Variants in NLGN1 observed in about 807,000 individuals in gnomAD.
NLGN1 encodes the protein neuroligin 1, also known as neuroligin-1.
Under a neutral mutation model 65.5 loss-of-function variants are expected in NLGN1, and 12 were observed. That is an observed-to-expected ratio of 0.18 (90% CI 0.12 to 0.30). The LOEUF (loss-of-function observed/expected upper bound fraction) is 0.30, where lower values mean the gene tolerates loss of function less well. Among genes scored for constraint, NLGN1 ranks in the 10% least tolerant of loss-of-function variants. The pLI, the probability that NLGN1 is intolerant of heterozygous loss-of-function variation, is 1.00. For missense variants in NLGN1, 750 were observed against 1,007.1 expected (o/e 0.74, Z 3.46); for synonymous variants, 350 against 359.5 (o/e 0.97, Z 0.30).
intron 3 of NLGN1, among the ~76,000 whole-genome samples, chr3:173,723,011 T>G (rs1771116244): frequency 6.6e-6 from 1 of 152,106 alleles, no homozygotes; most frequent in Non-Finnish European, 1.5e-5. Context: ...GAGACCTGAA[T>G]GAGGTAAGTG....
chr3:174,200,661 A>G (rs535207054), intron 4 of NLGN1, among the ~76,000 whole-genome samples: 1 of 152,368 alleles, frequency 6.6e-6, no homozygotes, highest in East Asian at 1.9e-4. Flanking sequence ...AATTTCAACT[A>G]ATAAACATCA....
chr3:173,497,395 A>C (rs1318531828), intron 2 of NLGN1, among the ~76,000 whole-genome samples: 1 of 37,994 alleles, frequency 2.6e-5, no homozygotes, highest in African/African-American at 3.8e-5. Flanking sequence ...TCTCAAAATA[A>C]ATAAATAAAT....
chr3:173,553,880 A>G (rs2149272359), intron 2 of NLGN1, among the ~76,000 whole-genome samples: 1 of 152,314 alleles, frequency 6.6e-6, no homozygotes, highest in African/African-American at 2.4e-5. Context: ...TATGCAGGGC[A>G]CTGATTTTTG....
intron 4 of NLGN1, among the ~76,000 whole-genome samples, chr3:174,199,399 T>C (rs1157754287): frequency 1.3e-5 from 2 of 151,734 alleles, no homozygotes; most frequent in Non-Finnish European, 2.9e-5. Flanking sequence ...GTAATAGTAG[T>C]AAGAGTGAGA....
intron 2 of NLGN1, among the ~76,000 whole-genome samples, chr3:173,508,556 G>C (rs142520970): frequency 1.3e-4 from 20 of 152,092 alleles, no homozygotes; most frequent in Admixed American, 6.6e-4. Flanking sequence ...AAATGGGTTG[G>C]GGTAGAGGTA....
At chr3:173,930,675 A>T (rs143992447) in intron 4 of NLGN1, among the ~76,000 whole-genome samples, 2,221 of 152,326 alleles carry the variant, frequency 0.015, 26 homozygotes, top group Non-Finnish European at 0.02. Context: ...TGTTAATTCA[A>T]TTGTCATATT....
chr3:173,766,256 T>G (rs1303201675), intron 3 of NLGN1, among the ~76,000 whole-genome samples: 1 of 151,896 alleles, frequency 6.6e-6, no homozygotes, highest in Non-Finnish European at 1.5e-5. Context: ...GCCCAGCTAA[T>G]TTTTGTATTT....
intron 1 of NLGN1, among the ~76,000 whole-genome samples, chr3:173,409,759 A>G (rs928163583): frequency 4.6e-5 from 7 of 152,208 alleles, no homozygotes; most frequent in South Asian, 2.1e-4. Flanking sequence ...TTGTCTGACT[A>G]TTTCCCTCCG....
chr3:173,833,749 C>A (rs539753523), intron 4 of NLGN1, among the ~76,000 whole-genome samples: 2 of 152,284 alleles, frequency 1.3e-5, no homozygotes, highest in South Asian at 4.1e-4. Flanking sequence ...AACTTCCGGG[C>A]CTCAGCCTCC....
intron 4 of NLGN1, among the ~76,000 whole-genome samples, chr3:174,120,384 G>C (rs1320205166): frequency 6.6e-6 from 1 of 151,972 alleles, no homozygotes. Context: ...GTGCATGCCT[G>C]TAATCCCACC....
intron 2 of NLGN1, among the ~76,000 whole-genome samples, chr3:173,600,221 A>ACACACACACACACG (rs1750240396): frequency 6.6e-6 from 1 of 151,896 alleles, no homozygotes; most frequent in Admixed American, 6.6e-5. Flanking sequence ...ACACACACAC[A>ACACACACACACACG]CACACGTGTA....
intron 4 of NLGN1, among the ~76,000 whole-genome samples, chr3:174,174,014 G>A (rs755597985): frequency 2.6e-5 from 4 of 151,934 alleles, no homozygotes; most frequent in Non-Finnish European, 4.4e-5. Flanking sequence ...AGTCCACTGT[G>A]TCTTTCTTAT....
At chr3:173,491,153 G>A (rs927948781) in intron 2 of NLGN1, among the ~76,000 whole-genome samples, 1 of 151,834 alleles carries the variant, frequency 6.6e-6, no homozygotes, top group Non-Finnish European at 1.5e-5. Flanking sequence ...TGGTGAGAGA[G>A]GGCATCCCTG....
chr3:173,691,995 C>T (rs1560179091), intron 3 of NLGN1, among the ~76,000 whole-genome samples: 1 of 152,010 alleles, frequency 6.6e-6, no homozygotes, highest in South Asian at 2.1e-4. Flanking sequence ...AATTTTATTG[C>T]ACTAAGGTAC....
At chr3:173,553,803 A>G (rs1180427344) in intron 2 of NLGN1, among the ~76,000 whole-genome samples, 1 of 142,168 alleles carries the variant, frequency 7.0e-6, no homozygotes, top group East Asian at 2.2e-4. Context: ...AAAGCCGACT[A>G]ACAGAAGGGC....
chr3:173,623,802 A>G lies in NLGN1; in HGVS notation c.493+18711A>G, dbSNP rs1279504115. On this transcript the variant is annotated intron_variant, in intron 3 of 6. Coordinates refer to ENST00000457714, the Ensembl canonical transcript of NLGN1. ...AGTTGTCTTTGGTTAGATTGATGAT[A>G]CAAGAGACTGGGTCTTGTGAAAAAT... Among the ~76,000 whole-genome samples, 4 of 152,274 alleles carry G rather than the reference A, an allele frequency of 2.6e-5. 1 individual carries two copies. The highest frequency in any genetic ancestry group is 2.6e-4 in the Admixed American group (4 of 15,272).
chr3:173,416,040 T>C (rs898907052), intron 1 of NLGN1, among the ~76,000 whole-genome samples: 2 of 151,962 alleles, frequency 1.3e-5, no homozygotes, highest in Admixed American at 1.3e-4. Context: ...CTGAGTTTAT[T>C]TATCTTGGAA....
the NLGN1 span, among the ~76,000 whole-genome samples, chr3:174,292,594 A>G: frequency 6.6e-6 from 1 of 151,470 alleles, no homozygotes; most frequent in African/African-American, 2.4e-5. Context: ...TAAAAAGAAC[A>G]GTTAAATATT....
At chr3:174,065,696 T>G (rs2152525028) in intron 4 of NLGN1, among the ~76,000 whole-genome samples, 1 of 152,034 alleles carries the variant, frequency 6.6e-6, no homozygotes, top group African/African-American at 2.4e-5. Context: ...GATGAAATGT[T>G]ACTTCTAAGA....
Sources: allele counts gnomAD v4.1 joint callset (sites outside exome capture counted in the v4.1 genomes callset), GRCh38; gene constraint gnomAD v4.1.1; transcripts MANE v1.5; gene names NCBI Gene and HGNC (gene_info 2026-07-23, HGNC 2026-07-21).